Variants in PPP6C observed in about 807,000 individuals in gnomAD.
PPP6C encodes protein phosphatase 6 catalytic subunit, also known as serine/threonine-protein phosphatase 6 catalytic subunit.
In PPP6C, 11 loss-of-function variants were observed where a neutral mutation model predicts 39.8. The ratio of observed to expected loss-of-function variants is 0.28; its 90% CI spans 0.17 to 0.46. The LOEUF is 0.46. Ranked by LOEUF, PPP6C falls within the 20% of genes least tolerant of loss-of-function variation. PPP6C has a pLI of 1.00. For missense variants in PPP6C, 211 were observed against 373.9 expected (o/e 0.56, Z 3.59); for synonymous variants, 129 against 130.3 (o/e 0.99, Z 0.07).
chr9:125,151,136 G>A (rs1482131824), intron 6 of PPP6C: 2 of 1,386,948 alleles, frequency 1.4e-6, no homozygotes, highest in Non-Finnish European at 2.1e-6. Context: ...CAGAAGAACT[G>A]CACTATTGTT....
At chr9:125,173,814 C>A (rs770334042) in intron 1 of PPP6C, among the ~76,000 whole-genome samples, 1 of 152,100 alleles carries the variant, frequency 6.6e-6, no homozygotes, top group East Asian at 2.0e-4. Flanking sequence ...GACAAGGTTT[C>A]ACCATGTTGG....
At chr9:125,170,948 C>T in intron 2 of PPP6C, 137 bp downstream of exon 2, 1 of 512,296 alleles carries the variant, frequency 2.0e-6, no homozygotes, top group South Asian at 5.4e-5. Context: ...TCATTTGTGT[C>T]ACAGAGACTG....
intron 5 of PPP6C, 43 bp from the exon 6 acceptor site, chr9:125,153,785 G>A: frequency 6.3e-7 from 1 of 1,578,128 alleles, no homozygotes; most frequent in Non-Finnish European, 8.7e-7. Flanking sequence ...ATAACCTCAG[G>A]CATATCTAAA....
rs1327785920 is a variant in PPP6C at position 125,167,844 on chromosome 9, G to T, written c.171+3241C>A. On this transcript the variant is annotated intron_variant, in intron 2 of 6. Transcript: ENST00000373547. ...GAGTTTGAGATGGGGGGGGGGGGGGGGGGTATCATTTGGTTGCCCAGGCTG... is the reference window on the plus strand; with the variant it reads ...GAGTTTGAGATGGGGGGGGGGGGGGTGGGTATCATTTGGTTGCCCAGGCTG... Among the ~76,000 whole-genome samples, 9 of 60,762 alleles carry T rather than the reference G, an allele frequency of 1.5e-4. No homozygotes were observed. In the East Asian group the frequency reaches 4.3e-3, roughly 29 times the overall value. 39.9% of individuals were successfully genotyped at this position (60,762 alleles called of 152,430 possible).
At position 125,189,742 on chromosome 9, in the gene PPP6C, ACAGCGGCGGCGGCGGCTGTAG is replaced by A. The variant is rs761898525; in HGVS notation, c.-45_-25del. 4.9e-5 allele frequency: 76 copies of A among 1,563,134 alleles called. No homozygotes were observed. The highest frequency in any genetic ancestry group is 3.5e-4 in the Middle Eastern group (2 of 5,740). ...ATTTTAAGAATAACAAGCCGCGGCA[ACAGCGGCGGCGGCGGCTGTAG>A]CAGCGGCGGCGGCAGCGGCGGAGGC... On this transcript the variant is annotated 5_prime_UTR_variant, in exon 1 of 7. Transcript: ENST00000373547.
At chr9:125,169,531 G>C (rs1035968146) in intron 2 of PPP6C, among the ~76,000 whole-genome samples, 3 of 151,494 alleles carry the variant, frequency 2.0e-5, no homozygotes, top group African/African-American at 4.8e-5. Context: ...TCAGGAATGT[G>C]TTAAGACACT....
At chr9:125,175,215 AC>A (rs1829270540) in intron 1 of PPP6C, among the ~76,000 whole-genome samples, 1 of 152,012 alleles carries the variant, frequency 6.6e-6, no homozygotes, top group Non-Finnish European at 1.5e-5. Flanking sequence ...TCAAAAAAAA[AC>A]AAAAACAAAA....
rs1260796410 is a variant in PPP6C at position 125,148,565 on chromosome 9, G to C, written c.*1108C>G. 2 of 152,160 alleles carry C rather than the reference G, an allele frequency of 1.3e-5. No individual in the cohort carries two copies. Among genetic ancestry groups the C allele is most frequent in the East Asian group, 3.8e-4 (2 of 5,202 alleles). 9.4% of individuals were successfully genotyped at this position (152,160 alleles called of 1,614,324 possible). On this transcript the variant is annotated 3_prime_UTR_variant, in exon 7 of 7. Coordinates refer to ENST00000373547, the MANE Select transcript of PPP6C (RefSeq NM_002721.5). Reference sequence around the variant, plus strand: ...TTCAGATTACAGTTCACAAATACAAGAGTCCTAACTTTTCAACCTTTCCAG... The same window carrying C: ...TTCAGATTACAGTTCACAAATACAACAGTCCTAACTTTTCAACCTTTCCAG...
At chr9:125,151,868 T>C (rs1588271159) in intron 6 of PPP6C, among the ~76,000 whole-genome samples, 1 of 152,344 alleles carries the variant, frequency 6.6e-6, no homozygotes, top group South Asian at 2.1e-4. Context: ...TTCAGACTTT[T>C]GAGGATGTTG....
intron 1 of PPP6C, among the ~76,000 whole-genome samples, chr9:125,183,136 A>T (rs1207769934): frequency 6.6e-6 from 1 of 152,060 alleles, no homozygotes; most frequent in Non-Finnish European, 1.5e-5. Flanking sequence ...ACCTAGACCA[A>T]ATCTGTTAAC....
Position 125,159,395 on chromosome 9 carries a change from T to TG in PPP6C, c.238-1014dup, listed in dbSNP as rs575178668. Among the ~76,000 whole-genome samples the TG allele has an allele frequency of 8.7e-5, 13 of 150,042 alleles. No individual in the cohort carries two copies. In the South Asian group the frequency reaches 2.5e-3, roughly 29 times the overall value. On this transcript the variant is annotated intron_variant, in intron 3 of 6. Transcript: ENST00000373547. ...TTCAATTTTTTTTTTTTTTTAGAGA[T>TG]GGGGTCTCACTATGTTGCCCAGGTT...
intron 6 of PPP6C, among the ~76,000 whole-genome samples, chr9:125,152,772 G>C (rs1003767865): frequency 2.0e-5 from 3 of 151,928 alleles, no homozygotes; most frequent in Admixed American, 1.3e-4. Flanking sequence ...AGAGGTTGCA[G>C]TGAGCCGAGA....
chr9:125,170,381 C>A (rs1039658763), intron 2 of PPP6C, among the ~76,000 whole-genome samples: 2 of 151,938 alleles, frequency 1.3e-5, no homozygotes, highest in Non-Finnish European at 2.9e-5. Flanking sequence ...GGATTACAGG[C>A]ACGCACCACC....
intron 1 of PPP6C, among the ~76,000 whole-genome samples, chr9:125,175,532 A>T (rs1309232570): frequency 2.6e-5 from 4 of 151,692 alleles, no homozygotes; most frequent in Admixed American, 6.6e-5. Context: ...AGTCCCAGCT[A>T]CTAGGGAGGC....
chr9:125,177,148 G>A (rs2131336780), intron 1 of PPP6C, among the ~76,000 whole-genome samples: 1 of 152,250 alleles, frequency 6.6e-6, no homozygotes, highest in African/African-American at 2.4e-5. Context: ...GTCGAGGCAG[G>A]CGGATCACGA....
At position 125,171,154 on chromosome 9, in the gene PPP6C, G is replaced by T. The variant is rs1829138630; in HGVS notation, c.102C>A (p.Leu34=). The part of the protein sequence containing the change: ...LKRLCDYVCD[L]LLEESNVQPV... ...GCTGAACATTTGACTCTTCTAAGAG[G>T]AGGTCACAAACGTAGTCACATAGCC... is the stretch of plus-strand genomic sequence containing the variant. The change falls in exon 2 of 7, where the codon CTC becomes CTA. Residue 34 remains leucine (L), a synonymous_variant. Coordinates refer to ENST00000373547, the MANE Select transcript of PPP6C (RefSeq NM_002721.5). The T allele has an allele frequency of 6.2e-7, 1 of 1,600,778 alleles. No homozygotes were observed. The highest frequency in any genetic ancestry group is 8.5e-7 in the Non-Finnish European group (1 of 1,170,496).
chr9:125,149,656 C>T lies in PPP6C; in HGVS notation c.*17G>A, dbSNP rs752440685. ...AGAAGAGGGCAGAAAAATGGGTCAG[C>T]AGGATGGGCGAAGGCCTCAAAGGAA... On this transcript the variant is annotated 3_prime_UTR_variant, in exon 7 of 7. Coordinates refer to ENST00000373547, the MANE Select transcript of PPP6C (RefSeq NM_002721.5). 1.1e-5 allele frequency: 18 copies of T among 1,609,924 alleles called. No homozygotes were observed. Among genetic ancestry groups the T allele is most frequent in the Non-Finnish European group, 1.5e-5 (18 of 1,176,894 alleles).
At chr9:125,174,867 G>A (rs1174030599) in intron 1 of PPP6C, among the ~76,000 whole-genome samples, 7 of 151,654 alleles carry the variant, frequency 4.6e-5, no homozygotes, top group Admixed American at 1.3e-4. Context: ...TGCCGAGATC[G>A]CGCCACTGCA....
At chr9:125,188,372 G>A (rs1244793250) in intron 1 of PPP6C, among the ~76,000 whole-genome samples, 1 of 151,940 alleles carries the variant, frequency 6.6e-6, no homozygotes, top group African/African-American at 2.4e-5. Context: ...GCGACAGAGC[G>A]AGACTCCGTC....
Sources: allele counts gnomAD v4.1 joint callset (sites outside exome capture counted in the v4.1 genomes callset), GRCh38; gene constraint gnomAD v4.1.1; transcripts MANE v1.5; gene names NCBI Gene and HGNC (gene_info 2026-07-23, HGNC 2026-07-21).